The following DLGAP2 variants were observed in gnomAD, a reference collection of about 807,000 sequenced individuals.
DLGAP2 encodes the protein disks large-associated protein 2.
In DLGAP2, 26 loss-of-function variants were observed where a neutral mutation model predicts 100.3. The observed-to-expected ratio is 0.26, with a 90% CI of 0.19 to 0.36. DLGAP2 has a LOEUF of 0.36. DLGAP2 is among the 10% of genes least tolerant of loss of function. The pLI is 1.00. For missense variants in DLGAP2, 1,858 were observed against 1,453.2 expected (o/e 1.28, Z -4.53); for synonymous variants, 886 against 630.1 (o/e 1.41, Z -6.08).
chr8:1,325,267 T>C (rs752376508), intron 3 of DLGAP2, among the ~76,000 whole-genome samples: 2 of 152,192 alleles, frequency 1.3e-5, no homozygotes, highest in African/African-American at 2.4e-5. Context: ...AGATGTCCGA[T>C]GGTCTCACCA....
chr8:1,559,608 C>T (rs1375229927), intron 5 of DLGAP2, among the ~76,000 whole-genome samples: 1 of 152,170 alleles, frequency 6.6e-6, no homozygotes, highest in Non-Finnish European at 1.5e-5. Flanking sequence ...AATTTGCAGG[C>T]TGCTGAAGAA....
intron 2 of DLGAP2, among the ~76,000 whole-genome samples, chr8:980,131 G>A (rs909510925): frequency 2.6e-5 from 4 of 152,204 alleles, no homozygotes; most frequent in East Asian, 3.9e-4. Flanking sequence ...GGAGTCAGGA[G>A]TGACTGAAGA....
At chr8:1,446,220 T>A (rs1161483480) in intron 3 of DLGAP2, among the ~76,000 whole-genome samples, 1 of 152,176 alleles carries the variant, frequency 6.6e-6, no homozygotes, top group East Asian at 1.9e-4. Context: ...TTTTTATGGT[T>A]TTAGGTCTAA....
intron 3 of DLGAP2, among the ~76,000 whole-genome samples, chr8:1,366,686 A>T (rs1024987760): frequency 2.8e-4 from 43 of 152,256 alleles, no homozygotes; most frequent in African/African-American, 1.0e-3. Context: ...GCAGGACAGG[A>T]GGTGAGCTGG....
intron 6 of DLGAP2, among the ~76,000 whole-genome samples, chr8:1,590,384 C>T (rs2130669466): frequency 6.6e-6 from 1 of 152,308 alleles, no homozygotes; most frequent in African/African-American, 2.4e-5. Context: ...GACACTGTTT[C>T]TGAAACTTAT....
At chr8:1,590,791 G>A (rs144077523) in intron 6 of DLGAP2, among the ~76,000 whole-genome samples, 7 of 152,130 alleles carry the variant, frequency 4.6e-5, no homozygotes, top group South Asian at 2.1e-4. Flanking sequence ...TCCCCATCCC[G>A]TTCGGAGGCT....
intron 3 of DLGAP2, among the ~76,000 whole-genome samples, chr8:1,487,997 T>C (rs1188666684): frequency 2.0e-5 from 3 of 150,744 alleles, no homozygotes; most frequent in Non-Finnish European, 4.4e-5. Context: ...ATTGTTGAAA[T>C]GATCGCTTTG....
intron 1 of DLGAP2, among the ~76,000 whole-genome samples, chr8:778,108 G>A (rs1041656961): frequency 7.9e-5 from 12 of 151,660 alleles, no homozygotes; most frequent in South Asian, 2.1e-4. Context: ...ATCTTCCACC[G>A]CTGATACCCT....
intron 2 of DLGAP2, among the ~76,000 whole-genome samples, chr8:1,228,288 A>T (rs1798464268): frequency 6.6e-6 from 1 of 152,250 alleles, no homozygotes; most frequent in Admixed American, 6.5e-5. Context: ...GAAAAGATCT[A>T]TAACATGGAA....
At chr8:1,435,993 G>A (rs765358437) in intron 3 of DLGAP2, among the ~76,000 whole-genome samples, 1 of 152,162 alleles carries the variant, frequency 6.6e-6, no homozygotes, top group Non-Finnish European at 1.5e-5. Flanking sequence ...AGCCTTACAA[G>A]AGAGTCAAAC....
chr8:1,210,068 A>G (rs1042441663), intron 2 of DLGAP2, among the ~76,000 whole-genome samples: 23 of 152,182 alleles, frequency 1.5e-4, no homozygotes, highest in Non-Finnish European at 5.9e-5. Context: ...CCTGAGCCTA[A>G]GAGCCTGTGA....
intron 2 of DLGAP2, among the ~76,000 whole-genome samples, chr8:1,049,036 C>T (rs774979103): frequency 6.6e-6 from 1 of 152,168 alleles, no homozygotes; most frequent in Non-Finnish European, 1.5e-5. Flanking sequence ...AAGAGATTGA[C>T]AAAGTTATGT....
At chr8:1,254,712 A>G (rs1009022461) in intron 2 of DLGAP2, among the ~76,000 whole-genome samples, 3 of 152,086 alleles carry the variant, frequency 2.0e-5, no homozygotes, top group Non-Finnish European at 4.4e-5. Flanking sequence ...TCTTCTCAGG[A>G]TGAGACGAAA....
At chr8:1,032,122 T>C (rs1357605733) in intron 2 of DLGAP2, among the ~76,000 whole-genome samples, 1 of 152,256 alleles carries the variant, frequency 6.6e-6, no homozygotes, top group African/African-American at 2.4e-5. Context: ...GTCTGCAGTA[T>C]GCTTCAGGGG....
chr8:1,044,025 C>G (rs1281905979), intron 2 of DLGAP2, among the ~76,000 whole-genome samples: 2 of 152,106 alleles, frequency 1.3e-5, no homozygotes, highest in African/African-American at 4.8e-5. Context: ...ACAAACGTGA[C>G]ACTTCTCACA....
At chr8:1,460,965 T>C (rs577033249) in intron 3 of DLGAP2, among the ~76,000 whole-genome samples, 154 of 152,286 alleles carry the variant, frequency 1.0e-3, no homozygotes, top group Admixed American at 2.0e-3. Context: ...AGAACTGAGT[T>C]TGGAAAGCCT....
At chr8:1,311,089 A>C (rs1234665309) in intron 3 of DLGAP2, among the ~76,000 whole-genome samples, 1 of 152,210 alleles carries the variant, frequency 6.6e-6, no homozygotes, top group Non-Finnish European at 1.5e-5. Flanking sequence ...ATTGGAAAGG[A>C]AAATGGGGAC....
chr8:1,547,188 C>T (rs1040199214), intron 4 of DLGAP2, among the ~76,000 whole-genome samples: 12 of 152,178 alleles, frequency 7.9e-5, no homozygotes, highest in African/African-American at 1.2e-4. Context: ...GGAGGCTCGG[C>T]AGCTCCTCTG....
At chr8:1,610,880 A>C in intron 6 of DLGAP2, among the ~76,000 whole-genome samples, 1 of 130,652 alleles carries the variant, frequency 7.7e-6, no homozygotes, top group Non-Finnish European at 1.6e-5. Flanking sequence ...CAGGAGCTGA[A>C]ATTGTGGCAA....
Sources: allele counts gnomAD v4.1 joint callset (sites outside exome capture counted in the v4.1 genomes callset), GRCh38; gene constraint gnomAD v4.1.1; transcripts MANE v1.5; gene names NCBI Gene and HGNC (gene_info 2026-07-23, HGNC 2026-07-21).